Variants in DISC1 observed in about 807,000 individuals in gnomAD.
DISC1 encodes disrupted in schizophrenia 1 protein.
DISC1 carries 57 observed loss-of-function variants against 84.5 expected under a neutral mutation model. That is an observed-to-expected ratio of 0.67 (90% CI 0.55 to 0.84). The LOEUF (loss-of-function observed/expected upper bound fraction) is 0.84. Among genes scored for constraint, DISC1 ranks in the 40% least tolerant of loss-of-function variants. The probability of loss-of-function intolerance (pLI) is 0.00; values close to 1 mark genes in which losing one functional copy is unlikely to be tolerated. For missense variants in DISC1, 1,000 were observed against 1,057.8 expected (o/e 0.95, Z 0.76); for synonymous variants, 411 against 415.2 (o/e 0.99, Z 0.12).
intron 1 of DISC1, among the ~76,000 whole-genome samples, chr1:231,690,997 C>T (rs73115148): frequency 0.011 from 1,747 of 152,270 alleles, 41 homozygotes; most frequent in African/African-American, 0.04. Context: ...GGGCTTGTTG[C>T]TTCTGGTCCC....
chr1:231,892,946 G>A (rs1300114606), intron 9 of DISC1, among the ~76,000 whole-genome samples: 1 of 152,150 alleles, frequency 6.6e-6, no homozygotes, highest in Non-Finnish European at 1.5e-5. Context: ...TGGATCACCT[G>A]TGGTCAGGAG....
At chr1:231,820,940 G>C (rs942689871) in intron 9 of DISC1, among the ~76,000 whole-genome samples, 1 of 152,140 alleles carries the variant, frequency 6.6e-6, no homozygotes, top group African/African-American at 2.4e-5. Flanking sequence ...AGTGTCTCTC[G>C]TACAGAGACC....
At chr1:231,921,506 A>C (rs1028688071) in intron 9 of DISC1, among the ~76,000 whole-genome samples, 1 of 151,968 alleles carries the variant, frequency 6.6e-6, no homozygotes, top group Non-Finnish European at 1.5e-5. Flanking sequence ...TCATATTATG[A>C]TTATAATTTT....
chr1:231,801,049 A>G (rs1478091654), intron 8 of DISC1, among the ~76,000 whole-genome samples: 3 of 152,144 alleles, frequency 2.0e-5, no homozygotes, highest in Middle Eastern at 3.2e-3. Flanking sequence ...AAGTTATAAT[A>G]ATTACATGTA....
In DISC1 at chr1:231,675,737, G is replaced by C. The variant is rs1472957105; in HGVS notation, c.68-18089G>C. The stretch of plus-strand genomic sequence containing the variant: ...GTCTTTGTCTTCTCTTGTCTTCGAG[G>C]TCCTTCTTACTCCCTTGTCCAATGT... On this transcript the variant is annotated intron_variant, in intron 1 of 12. Transcript: ENST00000439617. This position sits in a 1 kb window ranked among gnomAD's most constrained non-coding sequence, Gnocchi z 4.1. 1.3e-5 allele frequency among the ~76,000 whole-genome samples: 2 copies of C among 151,868 alleles called. No individual in the cohort carries two copies. The highest frequency in any genetic ancestry group is 2.9e-5 in the Non-Finnish European group (2 of 67,984).
chr1:231,702,634 AAAAC>A (rs2066557915), intron 3 of DISC1: 9 of 982,564 alleles, frequency 9.2e-6, no homozygotes, highest in Non-Finnish European at 1.1e-5. Context: ...TGAGGCCAGG[AAAAC>A]AAACAAACAA....
intron 9 of DISC1, among the ~76,000 whole-genome samples, chr1:231,828,659 A>G (rs1378396846): frequency 1.3e-5 from 2 of 152,248 alleles, no homozygotes; most frequent in African/African-American, 4.8e-5. Context: ...TTTATCATGC[A>G]ACTTCTATAA....
At chr1:231,784,461 T>G (rs190330310) in intron 6 of DISC1, among the ~76,000 whole-genome samples, 1 of 152,320 alleles carries the variant, frequency 6.6e-6, no homozygotes, top group African/African-American at 2.4e-5. Flanking sequence ...AACTAAACGT[T>G]CAAGTATTTC....
At chr1:232,012,058 A>G (rs1668066742) in intron 11 of DISC1, among the ~76,000 whole-genome samples, 2 of 152,216 alleles carry the variant, frequency 1.3e-5, no homozygotes, top group Non-Finnish European at 2.9e-5. Flanking sequence ...TGAGAGACGC[A>G]TACCTAGTAG....
rs200223174 is a variant in DISC1, at chr1:232,018,792, T to C, written c.2308-7643T>C. 1.2e-4 allele frequency among the ~76,000 whole-genome samples: 18 copies of C among 152,288 alleles called. No homozygotes were observed. The Middle Eastern group carries it at 0.01, about 86-fold the overall frequency. On this transcript the variant is annotated intron_variant, in intron 11 of 12. Transcript: ENST00000439617. ...CTTTATTGGAGGCCAATAAAAGCCA[T>C]GTGTGTACAGCAGTACTGTGGAGAG...
intron 3 of DISC1, among the ~76,000 whole-genome samples, chr1:231,734,817 C>A (rs1424666475): frequency 6.6e-6 from 1 of 152,170 alleles, no homozygotes; most frequent in Non-Finnish European, 1.5e-5. Flanking sequence ...TTTTTCCTTT[C>A]ATATCACAAC....
At position 231,675,851 on chromosome 1, in the gene DISC1, CTTTT is replaced by C. The variant is rs201559788; in HGVS notation, c.68-17962_68-17959del. 7.3e-6 allele frequency among the ~76,000 whole-genome samples: 1 copy of C among 137,644 alleles called. No individual in the cohort carries two copies. Among genetic ancestry groups the C allele is most frequent in the Admixed American group, 7.2e-5 (1 of 13,814 alleles). The allele number at this position is 137,644 out of a possible 152,430, so 90.3% of individuals were successfully genotyped here. ...GTATATTGTATTTGTTTTTTCTTTT[CTTTT>C]TTTTTTTTTTTTGACACAGAATTCC... On this transcript the variant is annotated intron_variant, in intron 1 of 12. Coordinates refer to ENST00000439617, the MANE Select transcript of DISC1 (RefSeq NM_018662.3). The surrounding 1 kb of genome is among the most constrained non-coding windows in gnomAD (Gnocchi z 4.1).
rs1396197645 is a variant in DISC1, at chr1:231,762,509, G to GT, written c.1269-4627dup. Among the ~76,000 whole-genome samples the GT allele has an allele frequency of 1.9e-4, 10 of 52,554 alleles. 1 individual carries two copies. Among genetic ancestry groups the GT allele is most frequent in the Non-Finnish European group, 2.1e-4 (5 of 24,034 alleles). The allele number at this position is 52,554 out of a possible 152,430, so 34.5% of individuals were successfully genotyped here. A position where few individuals can be genotyped will look rare whatever the true frequency, so the allele number is the denominator to read the frequency against. On this transcript the variant is annotated intron_variant, in intron 4 of 12. Transcript: ENST00000439617. ...GCCACTGTGCCTAATTTTTAGTTTT[G>GT]TTTTGTTTTTTTTTTTTTTTTGGTA... is the stretch of plus-strand genomic sequence containing the variant.
intron 3 of DISC1, among the ~76,000 whole-genome samples, chr1:231,727,590 A>G (rs993201352): frequency 1.3e-5 from 2 of 152,158 alleles, no homozygotes; most frequent in Non-Finnish European, 2.9e-5. Flanking sequence ...CCTTGAGTAG[A>G]ATTAAATCTG....
intron 8 of DISC1, among the ~76,000 whole-genome samples, chr1:231,809,524 G>GGAA (rs544757898): frequency 1.6e-5 from 2 of 123,792 alleles, no homozygotes; most frequent in Non-Finnish European, 3.3e-5. Flanking sequence ...TTTTTTTTTT[G>GGAA]AAAAAAAAAA....
At chr1:231,798,508 A>C (rs185097381) in intron 7 of DISC1, among the ~76,000 whole-genome samples, 11 of 152,322 alleles carry the variant, frequency 7.2e-5, no homozygotes, top group Admixed American at 3.9e-4. Flanking sequence ...ATGAGACATA[A>C]GAATTATGGC....
chr1:231,733,742 TGGTGGTGCC>T (rs2072013913), intron 3 of DISC1, among the ~76,000 whole-genome samples: 1 of 124,428 alleles, frequency 8.0e-6, no homozygotes, highest in Non-Finnish European at 1.8e-5. Context: ...GTGGGAGTGG[TGGTGGTGCC>T]ATGAGTAGTG....
In DISC1 at chr1:231,766,990, A is replaced by G; in HGVS notation, c.1269-150A>G. ...TGTAATTCAGGTAGAAACTTACATT[A>G]AGGAGCTCATCCTAAAAACAGGTAA... On this transcript the variant is annotated intron_variant, in intron 4 of 12. Transcript: ENST00000439617. 10 of 1,014,280 alleles carry G rather than the reference A, an allele frequency of 9.9e-6. No homozygotes were observed. The South Asian group carries it at 1.6e-4, about 17-fold the overall frequency. 62.8% of individuals were successfully genotyped at this position (1,014,280 alleles called of 1,614,324 possible). A position where few individuals can be genotyped will look rare whatever the true frequency, so the allele number is the denominator to read the frequency against.
At chr1:232,012,503 AT>A (rs1668109379) in intron 11 of DISC1, among the ~76,000 whole-genome samples, 1 of 152,280 alleles carries the variant, frequency 6.6e-6, no homozygotes, top group African/African-American at 2.4e-5. Context: ...TAAAATGTCT[AT>A]TCGCTTTGCA....
Sources: allele counts gnomAD v4.1 joint callset (sites outside exome capture counted in the v4.1 genomes callset), GRCh38; gene constraint gnomAD v4.1.1; non-coding constraint Gnocchi (gnomAD v3.1); transcripts MANE v1.5; gene names NCBI Gene and HGNC (gene_info 2026-07-23, HGNC 2026-07-21).